FUT8: variants seen among roughly 807,000 people sequenced by gnomAD.
FUT8 encodes fucosyltransferase 8.
In FUT8, 29 loss-of-function variants were observed where a neutral mutation model predicts 71.3. That is an observed-to-expected ratio of 0.41 (90% CI 0.30 to 0.55). The LOEUF (loss-of-function observed/expected upper bound fraction) is 0.55, where lower values mean the gene tolerates loss of function less well. Among genes scored for constraint, FUT8 ranks in the 20% least tolerant of loss-of-function variants. The pLI is 0.34. For missense variants in FUT8, 544 were observed against 702.1 expected (o/e 0.77, Z 2.55); for synonymous variants, 254 against 239.3 (o/e 1.06, Z -0.57).
intron 9 of FUT8, among the ~76,000 whole-genome samples, chr14:65,727,700 C>T (rs983836377): frequency 6.6e-6 from 1 of 152,202 alleles, no homozygotes; most frequent in African/African-American, 2.4e-5. Context: ...ACACTCGGCT[C>T]CTCATGACTT....
intron 3 of FUT8, among the ~76,000 whole-genome samples, chr14:65,598,468 G>A (rs919407208): frequency 6.6e-6 from 1 of 152,042 alleles, no homozygotes; most frequent in Non-Finnish European, 1.5e-5. Context: ...TGATCCACCC[G>A]CCTCGGCCTC....
intron 1 of FUT8, among the ~76,000 whole-genome samples, chr14:65,416,583 G>T (rs138016719): frequency 2.1e-4 from 32 of 152,092 alleles, no homozygotes; most frequent in African/African-American, 7.5e-4. Context: ...TTTCACTACC[G>T]TATAGTATGG....
rs117968972 is a variant in FUT8 at position 65,691,349 on chromosome 14, G to A, written c.835+21869G>A. Among the ~76,000 whole-genome samples the A allele has an allele frequency of 4.2e-3, 641 of 151,308 alleles. 31 individuals carry two copies. Among genetic ancestry groups the A allele is most frequent in the East Asian group, 0.035 (184 of 5,190 alleles). On this transcript the variant is annotated intron_variant, in intron 7 of 10. Transcript: ENST00000673929. Reference sequence around the variant, plus strand: ...GTGTTGTTCCCAACTTAGGAAGAAGGTATCAAGTTTCTCACCATTATGCAG... The same window carrying A: ...GTGTTGTTCCCAACTTAGGAAGAAGATATCAAGTTTCTCACCATTATGCAG...
At chr14:65,450,851 T>A (rs1468427857) in intron 1 of FUT8, among the ~76,000 whole-genome samples, 1 of 151,552 alleles carries the variant, frequency 6.6e-6, no homozygotes, top group Non-Finnish European at 1.5e-5. Context: ...TTACCCAGCC[T>A]ACCACCCTTC....
chr14:65,365,825 T>C, the FUT8 span, among the ~76,000 whole-genome samples: 3 of 152,056 alleles, frequency 2.0e-5, no homozygotes, highest in East Asian at 1.9e-4. Flanking sequence ...AGCATTCTTA[T>C]ATTCCTTTAC....
intron 3 of FUT8, among the ~76,000 whole-genome samples, chr14:65,571,747 A>G (rs771257685): frequency 4.6e-5 from 7 of 152,110 alleles, no homozygotes; most frequent in Admixed American, 1.3e-4. Context: ...TTGAATATAT[A>G]TATATATTTA....
At chr14:65,501,148 C>T (rs1471675852) in intron 2 of FUT8, among the ~76,000 whole-genome samples, 8 of 152,128 alleles carry the variant, frequency 5.3e-5, no homozygotes, top group Non-Finnish European at 1.2e-4. Flanking sequence ...ATACTCGAGG[C>T]AGGAGGATTT....
Position 65,652,064 on chromosome 14 carries a change from A to G in FUT8, c.598-17179A>G, listed in dbSNP as rs564307988. Among the ~76,000 whole-genome samples the G allele has an allele frequency of 2.0e-5, 3 of 152,322 alleles. No homozygotes were observed. The highest frequency in any genetic ancestry group is 4.4e-5 in the Non-Finnish European group (3 of 68,034). Reference sequence around the variant, plus strand: ...GTCTACAAGCCAAGGAATGACAAGGATGGCTGGCAACCACCAGAAGCCGGG... The same window carrying G: ...GTCTACAAGCCAAGGAATGACAAGGGTGGCTGGCAACCACCAGAAGCCGGG... On this transcript the variant is annotated intron_variant, in intron 6 of 10. Transcript: ENST00000673929. This position sits in a 1 kb window ranked among gnomAD's most constrained non-coding sequence, Gnocchi z 4.0.
the FUT8 span, among the ~76,000 whole-genome samples, chr14:65,392,501 C>T: frequency 6.6e-6 from 1 of 152,048 alleles, no homozygotes; most frequent in African/African-American, 2.4e-5. Flanking sequence ...GTGCTGTTGC[C>T]GGTTTTGACT....
At chr14:65,549,813 C>CT (rs1566816483) in intron 2 of FUT8, among the ~76,000 whole-genome samples, 1 of 152,148 alleles carries the variant, frequency 6.6e-6, no homozygotes, top group African/African-American at 2.4e-5. Flanking sequence ...CTGTATTAGT[C>CT]TGTTTTTCAT....
At chr14:65,426,632 AGTTT>A (rs1566739863) in intron 1 of FUT8, among the ~76,000 whole-genome samples, 1 of 152,142 alleles carries the variant, frequency 6.6e-6, no homozygotes, top group Non-Finnish European at 1.5e-5. Context: ...CTTTCCTTTT[AGTTT>A]AAGGAGGACA....
the FUT8 span, among the ~76,000 whole-genome samples, chr14:65,368,154 T>C: frequency 5.6e-5 from 8 of 143,302 alleles, no homozygotes; most frequent in East Asian, 2.0e-4. Context: ...CCCGGGTTCA[T>C]GCCATTCTCC....
At chr14:65,726,600 G>T (rs932425212) in intron 9 of FUT8, among the ~76,000 whole-genome samples, 3 of 152,126 alleles carry the variant, frequency 2.0e-5, no homozygotes, top group Non-Finnish European at 4.4e-5. Flanking sequence ...ACCTTCCACT[G>T]GGTCCCTCCC....
intron 3 of FUT8, among the ~76,000 whole-genome samples, chr14:65,579,154 C>T (rs184792798): frequency 3.3e-5 from 5 of 151,852 alleles, no homozygotes; most frequent in Admixed American, 3.3e-4. Context: ...ACTTATTTTT[C>T]TGCAGGTCAG....
chr14:65,577,082 T>A (rs1462594774), intron 3 of FUT8, among the ~76,000 whole-genome samples: 1 of 151,942 alleles, frequency 6.6e-6, no homozygotes, highest in Non-Finnish European at 1.5e-5. Flanking sequence ...ACTCCTGGGC[T>A]CTAGCAGTCC....
intron 1 of FUT8, among the ~76,000 whole-genome samples, chr14:65,425,044 A>G (rs1300233604): frequency 6.6e-6 from 1 of 152,166 alleles, no homozygotes; most frequent in Non-Finnish European, 1.5e-5. Flanking sequence ...ATTTATCAAC[A>G]TATTTATTGA....
chr14:65,723,016 A>G (rs1470204087), intron 8 of FUT8, among the ~76,000 whole-genome samples: 1 of 152,104 alleles, frequency 6.6e-6, no homozygotes, highest in Non-Finnish European at 1.5e-5. Context: ...TTTTATTTCC[A>G]TTAATATTGC....
chr14:65,517,724 C>A (rs1205930611), intron 2 of FUT8, among the ~76,000 whole-genome samples: 1 of 152,154 alleles, frequency 6.6e-6, no homozygotes, highest in African/African-American at 2.4e-5. Context: ...ACTCTGACCT[C>A]ATCTCCTATC....
At chr14:65,691,116 G>T (rs1174693542) in intron 7 of FUT8, among the ~76,000 whole-genome samples, 3 of 151,114 alleles carry the variant, frequency 2.0e-5, no homozygotes, top group African/African-American at 7.4e-5. Context: ...GGTTTTTTTG[G>T]GGGGTGGAGG....
Sources: gnomAD v4.1 joint callset for allele counts (sites outside exome capture counted in the v4.1 genomes callset) on GRCh38, gnomAD v4.1.1 for gene constraint, Gnocchi (gnomAD v3.1) non-coding constraint, MANE v1.5 for transcripts, NCBI Gene and HGNC (gene_info 2026-07-23, HGNC 2026-07-21) for gene names.